EPHA5: variants seen among roughly 807,000 people sequenced by gnomAD.
The protein encoded by EPHA5 is EPH receptor A5, also known as ephrin type-A receptor 5.
In EPHA5, 60 loss-of-function variants were observed where a neutral mutation model predicts 105.0. That is an observed-to-expected ratio of 0.57 (90% CI 0.46 to 0.71). EPHA5 has a LOEUF of 0.71. Ranked by LOEUF, EPHA5 falls within the 30% of genes least tolerant of loss-of-function variation. The probability of loss-of-function intolerance (pLI) is 0.00; values close to 1 mark genes in which losing one functional copy is unlikely to be tolerated. For synonymous variants in EPHA5, 513 were observed against 449.1 expected (o/e 1.14, Z -1.80); for missense variants, 1,218 against 1,274.7 (o/e 0.96, Z 0.68).
chr4:65,452,606 C>G (rs1727175935), intron 5 of EPHA5, among the ~76,000 whole-genome samples: 1 of 151,034 alleles, frequency 6.6e-6, no homozygotes, highest in Non-Finnish European at 1.5e-5. Context: ...GACAAACATC[C>G]TATGGCTGTT....
intron 3 of EPHA5, among the ~76,000 whole-genome samples, chr4:65,521,279 A>G (rs563563935): frequency 3.3e-5 from 5 of 152,148 alleles, no homozygotes; most frequent in African/African-American, 1.2e-4. Context: ...CAGGGACAAA[A>G]AACCAAACAC....
chr4:65,370,278 T>G (rs1432003416), intron 8 of EPHA5, among the ~76,000 whole-genome samples: 1 of 152,180 alleles, frequency 6.6e-6, no homozygotes, highest in Non-Finnish European at 1.5e-5. Flanking sequence ...AGTTTTAAGT[T>G]ATTTTAATAC....
At chr4:65,599,957 T>C (rs1171579865) in intron 3 of EPHA5, among the ~76,000 whole-genome samples, 2 of 152,174 alleles carry the variant, frequency 1.3e-5, no homozygotes, top group Non-Finnish European at 2.9e-5. Flanking sequence ...AGGCCTCTTA[T>C]ACTATCTGTC....
At chr4:65,439,216 A>C (rs993681228) in intron 5 of EPHA5, among the ~76,000 whole-genome samples, 4 of 152,154 alleles carry the variant, frequency 2.6e-5, no homozygotes, top group African/African-American at 9.7e-5. Flanking sequence ...AGAAGAGGCG[A>C]GAAAACTTGG....
At chr4:65,395,271 G>A (rs1578006194) in intron 8 of EPHA5, among the ~76,000 whole-genome samples, 1 of 152,080 alleles carries the variant, frequency 6.6e-6, no homozygotes, top group East Asian at 1.9e-4. Context: ...TTTTATAAAA[G>A]TTTGACTACT....
rs2149573440 is a variant in EPHA5, at chr4:65,669,994, T to G, written c.-252A>C. On this transcript the variant is annotated 5_prime_UTR_variant, in exon 1 of 17. Transcript: ENST00000613740. Reference sequence around the variant, plus strand: ...TTAGTTCTGGTTGCTAGTGCAGATCTGGACTCGGATCAAGGGTGTCGAGAG... The same window carrying G: ...TTAGTTCTGGTTGCTAGTGCAGATCGGGACTCGGATCAAGGGTGTCGAGAG... 1 of 464,324 alleles carries G rather than the reference T, an allele frequency of 2.2e-6. No individual in the cohort carries two copies. Among genetic ancestry groups the G allele is most frequent in the Non-Finnish European group, 3.5e-6 (1 of 288,646 alleles). The allele number at this position is 464,324 out of a possible 1,614,324, so 28.8% of individuals were successfully genotyped here.
intron 5 of EPHA5, among the ~76,000 whole-genome samples, chr4:65,440,366 G>C (rs1725889960): frequency 6.6e-6 from 1 of 151,946 alleles, no homozygotes; most frequent in Non-Finnish European, 1.5e-5. Context: ...CCAGAACAGA[G>C]CTGGAGATAT....
At chr4:65,464,275 T>C (rs1728398179) in intron 5 of EPHA5, among the ~76,000 whole-genome samples, 1 of 152,034 alleles carries the variant, frequency 6.6e-6, no homozygotes, top group African/African-American at 2.4e-5. Flanking sequence ...TGTAGCTTGT[T>C]TTCTACAAAT....
intron 5 of EPHA5, among the ~76,000 whole-genome samples, chr4:65,458,728 T>C (rs1241004526): frequency 3.9e-5 from 6 of 152,220 alleles, no homozygotes; most frequent in African/African-American, 1.4e-4. Context: ...ACCTTTCTAA[T>C]AGTAGGTATT....
intron 8 of EPHA5, among the ~76,000 whole-genome samples, chr4:65,403,099 G>A (rs1048992010): frequency 4.6e-5 from 7 of 152,056 alleles, no homozygotes; most frequent in Non-Finnish European, 7.4e-5. Context: ...ATATTCTTAA[G>A]AAAACTTCAA....
intron 8 of EPHA5, among the ~76,000 whole-genome samples, chr4:65,398,613 A>AAC (rs1721495933): frequency 6.6e-6 from 1 of 152,138 alleles, no homozygotes; most frequent in Non-Finnish European, 1.5e-5. Context: ...CAGTCCACTC[A>AAC]ACACACACTT....
At chr4:65,349,134 A>G (rs1722578272) in intron 13 of EPHA5, among the ~76,000 whole-genome samples, 1 of 151,878 alleles carries the variant, frequency 6.6e-6, no homozygotes, top group Non-Finnish European at 1.5e-5. Flanking sequence ...GATATATTAA[A>G]ACAAAGTTAC....
chr4:65,523,860 C>A (rs923802500), intron 3 of EPHA5, among the ~76,000 whole-genome samples: 1 of 151,702 alleles, frequency 6.6e-6, no homozygotes, highest in African/African-American at 2.4e-5. Context: ...CAACTTAGAA[C>A]AAAGAAGGGA....
rs1726733851 is a variant in EPHA5 at position 65,448,139 on chromosome 4, A to C, written c.1403-27574T>G. ...AAGAGACAACAGAGAAGAAAGTAAG[A>C]TGATGTATAAACTGTGATTTACACT... is the stretch of plus-strand genomic sequence containing the variant. On this transcript the variant is annotated intron_variant, in intron 5 of 16. Transcript: ENST00000613740. Among the ~76,000 whole-genome samples the C allele has an allele frequency of 2.6e-5, 4 of 152,004 alleles. No homozygotes were observed. In the South Asian group the frequency reaches 8.3e-4, roughly 32 times the overall value.
intron 5 of EPHA5, among the ~76,000 whole-genome samples, chr4:65,424,414 T>C (rs1295414644): frequency 6.6e-6 from 1 of 152,208 alleles, no homozygotes; most frequent in East Asian, 1.9e-4. Flanking sequence ...TGTAATTCTG[T>C]TAGTTAGTTA....
In EPHA5 at chr4:65,391,392, T is replaced by C. The variant is rs571900811; in HGVS notation, c.1793+12982A>G. On this transcript the variant is annotated intron_variant, in intron 8 of 16. Coordinates refer to ENST00000613740, the MANE Select transcript of EPHA5 (RefSeq NM_001281766.3). The stretch of plus-strand genomic sequence containing the variant: ...CTGATCTATTAGAAACATTTTCTTT[T>C]TTTCCTGGTTCATGTAAGACCTTAT... 1.6e-4 allele frequency among the ~76,000 whole-genome samples: 24 copies of C among 152,276 alleles called. No homozygotes were observed. The East Asian group carries it at 3.3e-3, about 21-fold the overall frequency.
intron 3 of EPHA5, among the ~76,000 whole-genome samples, chr4:65,540,876 A>C (rs1010877981): frequency 9.3e-5 from 14 of 150,216 alleles, no homozygotes; most frequent in Non-Finnish European, 1.5e-4. Context: ...AAAAAAAAAA[A>C]AACAAAAATC....
At chr4:65,660,916 C>A (rs1440392686) in intron 1 of EPHA5, among the ~76,000 whole-genome samples, 1 of 152,082 alleles carries the variant, frequency 6.6e-6, no homozygotes, top group East Asian at 1.9e-4. Flanking sequence ...ATAACATAAT[C>A]TTTTATTCTT....
chr4:65,530,476 A>G (rs932982825), intron 3 of EPHA5, among the ~76,000 whole-genome samples: 2 of 152,090 alleles, frequency 1.3e-5, no homozygotes, highest in African/African-American at 4.8e-5. Flanking sequence ...GTACAGGAGC[A>G]CAAAGGAATA....
Sources: gnomAD v4.1 joint callset for allele counts (sites outside exome capture counted in the v4.1 genomes callset) on GRCh38, gnomAD v4.1.1 for gene constraint, MANE v1.5 for transcripts, NCBI Gene and HGNC (gene_info 2026-07-23, HGNC 2026-07-21) for gene names.